Variants in SUGCT observed in about 807,000 individuals in gnomAD.
SUGCT encodes the protein succinyl-CoA:glutarate CoA-transferase.
Under a neutral mutation model 55.0 loss-of-function variants are expected in SUGCT, and 41 were observed. That is an observed-to-expected ratio of 0.74 (90% CI 0.58 to 0.97). The LOEUF (loss-of-function observed/expected upper bound fraction) is 0.97. Among genes scored for constraint, SUGCT ranks in the 50% least tolerant of loss-of-function variants. SUGCT has a pLI of 0.00. For missense variants in SUGCT, 568 were observed against 547.8 expected (o/e 1.04, Z -0.37); for synonymous variants, 187 against 200.4 (o/e 0.93, Z 0.56).
intron 8 of SUGCT, among the ~76,000 whole-genome samples, chr7:40,295,265 G>GA (rs1261262073): frequency 1.3e-5 from 2 of 151,692 alleles, no homozygotes; most frequent in Non-Finnish European, 2.9e-5. Context: ...AAGTGTTTTA[G>GA]AAAAAAAATT....
chr7:40,732,816 G>C (rs977722721), intron 12 of SUGCT, among the ~76,000 whole-genome samples: 1 of 152,190 alleles, frequency 6.6e-6, no homozygotes, highest in Non-Finnish European at 1.5e-5. Flanking sequence ...GATTGAAATT[G>C]TGAGCCAACA....
intron 9 of SUGCT, among the ~76,000 whole-genome samples, chr7:40,370,642 GA>G (rs1784251629): frequency 7.0e-6 from 1 of 141,890 alleles, no homozygotes; most frequent in East Asian, 2.4e-4. Context: ...GAGAGTGGGG[GA>G]CAGAGAGAGA....
Position 40,147,076 on chromosome 7 carries a change from C to G in SUGCT, c.100+11956C>G, listed in dbSNP as rs1448885292. ...TTTCTTCTCTCTTTCTCCTCACTCT[C>G]TCTCTCTCTCCCTCTCTTTCCTCTC... is the stretch of plus-strand genomic sequence containing the variant. On this transcript the variant is annotated intron_variant, in intron 1 of 13. Coordinates refer to ENST00000335693, the MANE Select transcript of SUGCT (RefSeq NM_001193313.2). 2.0e-5 allele frequency among the ~76,000 whole-genome samples: 3 copies of G among 151,988 alleles called. No homozygotes were observed. The East Asian group carries it at 5.8e-4, about 29-fold the overall frequency.
At chr7:40,175,623 C>T (rs996011436) in intron 1 of SUGCT, among the ~76,000 whole-genome samples, 1 of 152,104 alleles carries the variant, frequency 6.6e-6, no homozygotes, top group African/African-American at 2.4e-5. Flanking sequence ...CTGAATGAAG[C>T]TTATCTAACA....
At chr7:40,745,100 T>C (rs1787664887) in intron 12 of SUGCT, among the ~76,000 whole-genome samples, 1 of 152,334 alleles carries the variant, frequency 6.6e-6, no homozygotes, top group African/African-American at 2.4e-5. Context: ...ATAAGTGCTA[T>C]CGTGTTTGTT....
At chr7:40,398,112 A>G (rs976537824) in intron 9 of SUGCT, among the ~76,000 whole-genome samples, 1 of 151,810 alleles carries the variant, frequency 6.6e-6, no homozygotes, top group Non-Finnish European at 1.5e-5. Context: ...TCTTTTTTTG[A>G]GACAGGGTCT....
intron 12 of SUGCT, among the ~76,000 whole-genome samples, chr7:40,612,531 G>A (rs1413937540): frequency 6.6e-6 from 1 of 152,148 alleles, no homozygotes; most frequent in Non-Finnish European, 1.5e-5. Context: ...AAGCAGCATG[G>A]TATCAAGATT....
At chr7:40,813,867 T>C (rs1791541308) in intron 13 of SUGCT, among the ~76,000 whole-genome samples, 1 of 152,226 alleles carries the variant, frequency 6.6e-6, no homozygotes, top group African/African-American at 2.4e-5. Flanking sequence ...ATTATTTCAT[T>C]TCTATGTTTA....
At chr7:40,366,647 A>G (rs1176395055) in intron 9 of SUGCT, among the ~76,000 whole-genome samples, 1 of 152,204 alleles carries the variant, frequency 6.6e-6, no homozygotes, top group African/African-American at 2.4e-5. Context: ...TTATGCAGCC[A>G]AAAGACACAT....
intron 9 of SUGCT, among the ~76,000 whole-genome samples, chr7:40,415,772 T>C (rs1247113671): frequency 6.6e-6 from 1 of 152,138 alleles, no homozygotes; most frequent in African/African-American, 2.4e-5. Flanking sequence ...AATAGAATTC[T>C]ACATGGAATA....
chr7:40,934,572 CT>C, the SUGCT span, among the ~76,000 whole-genome samples: 1 of 152,216 alleles, frequency 6.6e-6, no homozygotes, highest in Admixed American at 6.5e-5. Flanking sequence ...GGCAGTAGGC[CT>C]TGCTGAACTG....
chr7:40,855,270 A>C (rs1794112928), intron 13 of SUGCT, among the ~76,000 whole-genome samples: 2 of 135,332 alleles, frequency 1.5e-5, no homozygotes, highest in Non-Finnish European at 1.7e-5. Context: ...ATTTCTCCTC[A>C]AAAAAAAAAA....
rs189420805 is a variant in SUGCT at position 40,675,787 on chromosome 7, T to A, written c.1090-73647T>A. The stretch of plus-strand genomic sequence containing the variant: ...GAGTTCGGAGACAGAGGTGTCAGAA[T>A]GGAGAGGACTGCTGGGAGATGGGGC... On this transcript the variant is annotated intron_variant, in intron 12 of 13. Coordinates refer to ENST00000335693, the MANE Select transcript of SUGCT (RefSeq NM_001193313.2). 2.6e-3 allele frequency among the ~76,000 whole-genome samples: 395 copies of A among 152,226 alleles called. 1 individual carries two copies. Among genetic ancestry groups the A allele is most frequent in the African/African-American group, 8.2e-3 (341 of 41,526 alleles).
intron 12 of SUGCT, among the ~76,000 whole-genome samples, chr7:40,695,167 TTTTATTTATTTATTTA>T (rs71560200): frequency 4.7e-4 from 64 of 135,478 alleles, no homozygotes; most frequent in Middle Eastern, 3.5e-3. Context: ...AAACCCTTAT[TTTTATTTATTTATTTA>T]TTTATTTATT....
intron 9 of SUGCT, among the ~76,000 whole-genome samples, chr7:40,347,271 G>C (rs79750329): frequency 0.019 from 2,876 of 152,314 alleles, 88 homozygotes; most frequent in African/African-American, 0.066. Context: ...AATGTTGGTG[G>C]AATGTAAAAT....
intron 12 of SUGCT, among the ~76,000 whole-genome samples, chr7:40,624,670 A>C (rs1331314631): frequency 6.6e-6 from 1 of 152,038 alleles, no homozygotes; most frequent in Non-Finnish European, 1.5e-5. Flanking sequence ...TCCTATCACG[A>C]GTAGAACTGC....
intron 12 of SUGCT, among the ~76,000 whole-genome samples, chr7:40,617,966 T>A (rs1799090166): frequency 6.6e-6 from 1 of 152,210 alleles, no homozygotes; most frequent in Non-Finnish European, 1.5e-5. Flanking sequence ...TATTTTTACT[T>A]CACTATAATC....
intron 12 of SUGCT, among the ~76,000 whole-genome samples, chr7:40,588,321 C>T (rs942267285): frequency 2.6e-5 from 4 of 151,466 alleles, no homozygotes; most frequent in Admixed American, 6.6e-5. Context: ...CATGCTGGTG[C>T]GCTGCATGCG....
intron 6 of SUGCT, among the ~76,000 whole-genome samples, chr7:40,207,117 G>C (rs1787019707): frequency 6.6e-6 from 1 of 152,100 alleles, no homozygotes; most frequent in Admixed American, 6.6e-5. Flanking sequence ...AAGATTGCTT[G>C]AGCCTGGGAG....
Sources: gnomAD v4.1 joint callset for allele counts (sites outside exome capture counted in the v4.1 genomes callset) on GRCh38, gnomAD v4.1.1 for gene constraint, MANE v1.5 for transcripts, NCBI Gene and HGNC (gene_info 2026-07-23, HGNC 2026-07-21) for gene names.